Variants in ASPH observed in about 807,000 individuals in gnomAD.
The protein encoded by ASPH is aspartate beta-hydroxylase.
ASPH carries 100 observed loss-of-function variants against 118.4 expected under a neutral mutation model. The ratio of observed to expected loss-of-function variants is 0.84; its 90% CI spans 0.72 to 1.00. ASPH has a LOEUF of 1.00. Ranked by LOEUF, ASPH falls within the 50% of genes least tolerant of loss-of-function variation. The pLI, the probability that ASPH is intolerant of heterozygous loss-of-function variation, is 0.00. For missense variants in ASPH, 920 were observed against 919.5 expected, an observed-to-expected ratio of 1.00 and a Z score of -0.01; for synonymous variants, 315 against 325.6, an observed-to-expected ratio of 0.97 and a Z score of 0.35.
At chr8:61,561,644 A>G (rs954273497) in intron 18 of ASPH, among the ~76,000 whole-genome samples, 2 of 152,198 alleles carry the variant, frequency 1.3e-5, no homozygotes, top group African/African-American at 4.8e-5. Flanking sequence ...TAAAAGGAGT[A>G]GGGTGAGATG....
chr8:61,633,442 A>G (rs1416649111), intron 13 of ASPH: 2 of 329,826 alleles, frequency 6.1e-6, no homozygotes, highest in East Asian at 9.9e-5. Flanking sequence ...ATAATGGCAA[A>G]ATCATATGAT....
rs1442457316 is a variant in ASPH, at chr8:61,500,937, T to TATTA, written c.*2418_*2421dup. The TATTA allele has an allele frequency of 6.6e-6, 1 of 152,232 alleles. No individual in the cohort carries two copies. Among genetic ancestry groups the TATTA allele is most frequent in the Non-Finnish European group, 1.5e-5 (1 of 68,044 alleles). 9.4% of individuals were successfully genotyped at this position (152,232 alleles called of 1,614,324 possible). On this transcript the variant is annotated 3_prime_UTR_variant, in exon 25 of 25. Coordinates refer to ENST00000379454, the MANE Select transcript of ASPH (RefSeq NM_004318.4). ...AATATTATTACTAATCTTAATTATT[T>TATTA]ATTACATCATCTCTTTCTCAATGGA...
At chr8:61,552,451 C>T (rs1826355677) in intron 20 of ASPH, among the ~76,000 whole-genome samples, 1 of 152,204 alleles carries the variant, frequency 6.6e-6, no homozygotes, top group South Asian at 2.1e-4. Flanking sequence ...CCTATCATTA[C>T]TATCACCACA....
At chr8:61,675,076 G>T (rs1274559504) in intron 3 of ASPH, among the ~76,000 whole-genome samples, 1 of 152,090 alleles carries the variant, frequency 6.6e-6, no homozygotes, top group Non-Finnish European at 1.5e-5. Context: ...TACTACTGAA[G>T]CAAACTCATT....
chr8:61,533,676 C>T (rs1818420788), intron 21 of ASPH, among the ~76,000 whole-genome samples: 2 of 152,220 alleles, frequency 1.3e-5, no homozygotes, highest in South Asian at 2.1e-4. Context: ...TCTCTGAGGC[C>T]ATGCAGTTTC....
chr8:61,609,047 G>A (rs1235664282), intron 14 of ASPH, among the ~76,000 whole-genome samples: 1 of 152,200 alleles, frequency 6.6e-6, no homozygotes, highest in African/African-American at 2.4e-5. Flanking sequence ...AGGTGCTCTA[G>A]ATGGAGGGCG....
chr8:61,622,828 C>T (rs1851459432), intron 13 of ASPH, among the ~76,000 whole-genome samples: 1 of 152,162 alleles, frequency 6.6e-6, no homozygotes, highest in Admixed American at 6.5e-5. Context: ...GAAAACTCAG[C>T]TCCCTGACAT....
chr8:61,591,394 TAA>T (rs574740559), intron 14 of ASPH, among the ~76,000 whole-genome samples: 10 of 140,008 alleles, frequency 7.1e-5, no homozygotes, highest in Admixed American at 7.1e-5. Context: ...AGAGGAAGAT[TAA>T]AAAAAAAAAA....
chr8:61,676,979 G>A (rs1448752343), intron 3 of ASPH, among the ~76,000 whole-genome samples: 3 of 152,246 alleles, frequency 2.0e-5, no homozygotes, highest in South Asian at 2.1e-4. Context: ...ACTATTAAAT[G>A]TGGTAGCTCT....
chr8:61,711,075 G>A (rs1012149573), intron 1 of ASPH, among the ~76,000 whole-genome samples: 4 of 67,840 alleles, frequency 5.9e-5, no homozygotes, highest in Non-Finnish European at 8.7e-5. Flanking sequence ...ATATACAGAC[G>A]GATTAAATAA....
chr8:61,651,180 C>T (rs1810783613), intron 4 of ASPH, 56 bp from the exon 5 acceptor site: 1 of 1,412,500 alleles, frequency 7.1e-7, no homozygotes, highest in Non-Finnish European at 1.0e-6. Context: ...AACATGGACC[C>T]CTAACACTCA....
intron 13 of ASPH, among the ~76,000 whole-genome samples, chr8:61,622,583 T>G (rs1851365286): frequency 6.6e-6 from 1 of 152,178 alleles, no homozygotes; most frequent in Non-Finnish European, 1.5e-5. Flanking sequence ...AGCTTTCCAG[T>G]CTCCTTCTCT....
chr8:61,522,823 T>C (rs1315187387), intron 22 of ASPH, among the ~76,000 whole-genome samples: 2 of 152,218 alleles, frequency 1.3e-5, no homozygotes, highest in African/African-American at 2.4e-5. Flanking sequence ...ACACACCCAG[T>C]GTTTCTTCCG....
intron 13 of ASPH, among the ~76,000 whole-genome samples, chr8:61,626,733 T>TTAAAA (rs71257377): frequency 0.83 from 125,462 of 150,412 alleles, 52,451 homozygotes; most frequent in African/African-American, 0.88. Flanking sequence ...TTTTAAAAAA[T>TTAAAA]TAAAAATTAA....
rs548402710 is a variant in ASPH, at chr8:61,704,100, C to A, written c.103+10169G>T. 2.5e-4 allele frequency among the ~76,000 whole-genome samples: 36 copies of A among 141,900 alleles called. No homozygotes were observed. In the East Asian group the frequency reaches 5.2e-3, roughly 20 times the overall value. The allele number at this position is 141,900 out of a possible 152,430, so 93.1% of individuals were successfully genotyped here. ...GTCCCAGCTACTTGGGAGGCTGAGG[C>A]AGGAGAATGGCGTGAACCCGGGAGG... is the stretch of plus-strand genomic sequence containing the variant. On this transcript the variant is annotated intron_variant, in intron 1 of 24. Transcript: ENST00000379454.
At chr8:61,691,909 G>C (rs72659053) in intron 1 of ASPH, among the ~76,000 whole-genome samples, 4 of 152,108 alleles carry the variant, frequency 2.6e-5, no homozygotes, top group Non-Finnish European at 4.4e-5. Context: ...GCTGGAGCTG[G>C]TAGGGTTTCT....
chr8:61,505,364 G>T lies in ASPH; in HGVS notation c.2127-1855C>A, dbSNP rs144150240. 3.9e-4 allele frequency among the ~76,000 whole-genome samples: 59 copies of T among 152,124 alleles called. 1 individual carries two copies. In the East Asian group the frequency reaches 0.011, roughly 28 times the overall value. The stretch of plus-strand genomic sequence containing the variant: ...ACAAAAATTAGCCAGGCGTGGTAGC[G>T]CATGCCTGTAATCCCAGCTACTCAG... On this transcript the variant is annotated intron_variant, in intron 24 of 24. Coordinates refer to ENST00000379454, the MANE Select transcript of ASPH (RefSeq NM_004318.4).
At chr8:61,681,199 C>T (rs1451462141) in intron 2 of ASPH, among the ~76,000 whole-genome samples, 163 bp from the exon 3 acceptor site, 1 of 151,678 alleles carries the variant, frequency 6.6e-6, no homozygotes, top group African/African-American at 2.4e-5. Flanking sequence ...AATATCTTAC[C>T]TAAAAATAGC....
chr8:61,682,309 G>T, intron 2 of ASPH: 2 of 930,200 alleles, frequency 2.2e-6, no homozygotes, highest in South Asian at 1.7e-5. Context: ...TACCCTTTCT[G>T]ACAAACCCAT....
Sources: gnomAD v4.1 joint callset for allele counts (sites outside exome capture counted in the v4.1 genomes callset) on GRCh38, gnomAD v4.1.1 for gene constraint, MANE v1.5 for transcripts, NCBI Gene and HGNC (gene_info 2026-07-23, HGNC 2026-07-21) for gene names.